ASTN1: variants seen among roughly 807,000 people sequenced by gnomAD.
The protein encoded by ASTN1 is astrotactin-1.
In ASTN1, 41 loss-of-function variants were observed where a neutral mutation model predicts 140.7. The ratio of observed to expected loss-of-function variants is 0.29; its 90% CI spans 0.23 to 0.38. ASTN1 has a LOEUF of 0.38. ASTN1 is among the 10% of genes least tolerant of loss of function. The pLI is 1.00. For missense variants in ASTN1, 1,479 were observed against 1,678.8 expected (o/e 0.88, Z 2.08); for synonymous variants, 640 against 652.2 (o/e 0.98, Z 0.29).
intron 18 of ASTN1, among the ~76,000 whole-genome samples, chr1:176,885,596 C>T (rs978896418): frequency 6.6e-6 from 1 of 152,106 alleles, no homozygotes; most frequent in African/African-American, 2.4e-5. Context: ...CCTGGCCCTC[C>T]TTTTCTCTGC....
At chr1:176,952,013 C>T (rs890767793) in intron 11 of ASTN1, among the ~76,000 whole-genome samples, 2 of 152,096 alleles carry the variant, frequency 1.3e-5, no homozygotes, top group African/African-American at 4.8e-5. Context: ...GATCAGACTT[C>T]GGGCCTAGAT....
chr1:176,969,661 T>G (rs1673050495), intron 8 of ASTN1, among the ~76,000 whole-genome samples: 1 of 152,090 alleles, frequency 6.6e-6, no homozygotes, highest in African/African-American at 2.4e-5. Context: ...AGCCCATGGA[T>G]GGTGTCAGGT....
At chr1:177,129,785 G>A (rs1023258554) in intron 1 of ASTN1, among the ~76,000 whole-genome samples, 3 of 152,002 alleles carry the variant, frequency 2.0e-5, no homozygotes, top group African/African-American at 7.2e-5. Context: ...TGGCTAACAC[G>A]GTGAAACCCC....
Position 177,030,802 on chromosome 1 carries a change from A to C in ASTN1, c.1012+4T>G. ...CCACGAGCCCTAATGTCAGACATGCATACCTCTTGCTTTGTTGTTGATCCG... is the reference window on the plus strand; with the variant it reads ...CCACGAGCCCTAATGTCAGACATGCCTACCTCTTGCTTTGTTGTTGATCCG... On this transcript the variant is annotated splice_donor_region_variant and intron_variant, in intron 4 of 22. Transcript: ENST00000361833. 1 of 1,614,080 alleles carries C rather than the reference A, an allele frequency of 6.2e-7. No homozygotes were observed. The highest frequency in any genetic ancestry group is 8.5e-7 in the Non-Finnish European group (1 of 1,179,948).
At chr1:177,033,180 G>C (rs1277690243) in intron 2 of ASTN1, among the ~76,000 whole-genome samples, 1 of 148,016 alleles carries the variant, frequency 6.8e-6, no homozygotes, top group Non-Finnish European at 1.5e-5. Context: ...TGCAAAAACA[G>C]GGGAGAGCTT....
At chr1:176,996,310 C>CAGAGAG (rs139189448) in intron 8 of ASTN1, among the ~76,000 whole-genome samples, 13,173 of 125,636 alleles carry the variant, frequency 0.1, 761 homozygotes, top group East Asian at 0.16. Context: ...CACACACACA[C>CAGAGAG]AGAGAGAGAG....
At chr1:177,129,086 T>TGAGAGATGAAAGAAACCAGACC (rs1235264142) in intron 1 of ASTN1, among the ~76,000 whole-genome samples, 15 of 152,116 alleles carry the variant, frequency 9.9e-5, no homozygotes, top group Admixed American at 3.3e-4. Context: ...TAAACCAGAC[T>TGAGAGATGAAAGAAACCAGACC]GATAGATGAA....
chr1:177,138,503 A>G lies in ASTN1; in HGVS notation c.283+25891T>C, dbSNP rs571231435. ...AGTGGAAGGAAAAGGGAAAGCACAG[A>G]AAGGAGAGGCTGCTGACCCAGATAT... On this transcript the variant is annotated intron_variant, in intron 1 of 22. Coordinates refer to ENST00000361833, the MANE Select transcript of ASTN1 (RefSeq NM_004319.3). Among the ~76,000 whole-genome samples, 56 of 152,298 alleles carry G rather than the reference A, an allele frequency of 3.7e-4. 2 individuals carry two copies. The South Asian group carries it at 0.012, about 32-fold the overall frequency.
In ASTN1 at chr1:177,032,867, C is replaced by G. The variant is rs1211381892; in HGVS notation, c.472-18G>C. ...ATGCCACCCTAGGAAGAGAGGACCACAGATGGATGTGGGAAGATGGGTAGG... is the reference window on the plus strand; with the variant it reads ...ATGCCACCCTAGGAAGAGAGGACCAGAGATGGATGTGGGAAGATGGGTAGG... On this transcript the variant is annotated intron_variant, in intron 2 of 22. Coordinates refer to ENST00000361833, the MANE Select transcript of ASTN1 (RefSeq NM_004319.3). 1.9e-6 allele frequency: 3 copies of G among 1,572,012 alleles called. No homozygotes were observed. Among genetic ancestry groups the G allele is most frequent in the Non-Finnish European group, 2.6e-6 (3 of 1,158,252 alleles).
At chr1:177,028,429 T>C (rs903709613) in intron 5 of ASTN1, among the ~76,000 whole-genome samples, 5 of 152,218 alleles carry the variant, frequency 3.3e-5, no homozygotes, top group Non-Finnish European at 7.3e-5. Context: ...TTTATTATAC[T>C]GATAGTAGTT....
intron 1 of ASTN1, among the ~76,000 whole-genome samples, chr1:177,146,750 G>T (rs762361554): frequency 2.0e-5 from 3 of 152,138 alleles, no homozygotes; most frequent in Non-Finnish European, 4.4e-5. Flanking sequence ...TGTTTTCCGA[G>T]ATCACTTAGT....
intron 11 of ASTN1, among the ~76,000 whole-genome samples, chr1:176,954,565 G>A (rs1338073439): frequency 6.6e-6 from 1 of 152,180 alleles, no homozygotes; most frequent in East Asian, 1.9e-4. Flanking sequence ...CTACATCTGT[G>A]GTAGTTTGTT....
At chr1:176,918,950 T>C (rs866258879) in intron 16 of ASTN1, among the ~76,000 whole-genome samples, 4 of 152,304 alleles carry the variant, frequency 2.6e-5, no homozygotes, top group Middle Eastern at 3.4e-3. Flanking sequence ...TTCCTCTTCC[T>C]GAGACACCTG....
intron 2 of ASTN1, among the ~76,000 whole-genome samples, chr1:177,037,151 C>T (rs113123625): frequency 3.9e-5 from 6 of 152,184 alleles, no homozygotes; most frequent in African/African-American, 1.4e-4. Context: ...ACTACTTTTG[C>T]AGAGAATTTT....
intron 2 of ASTN1, among the ~76,000 whole-genome samples, chr1:177,036,289 C>T (rs1676717242): frequency 6.6e-6 from 1 of 151,890 alleles, no homozygotes; most frequent in African/African-American, 2.4e-5. Context: ...TCAGGTGATC[C>T]ACCCGCCTCA....
At chr1:176,969,318 C>T (rs189223403) in intron 8 of ASTN1, among the ~76,000 whole-genome samples, 2 of 152,256 alleles carry the variant, frequency 1.3e-5, no homozygotes, top group Non-Finnish European at 2.9e-5. Context: ...AGCTAAGACA[C>T]ATGGTGGAGA....
Position 176,901,663 on chromosome 1 carries a change from G to A in ASTN1, c.2672-6833C>T, listed in dbSNP as rs549847150. On this transcript the variant is annotated intron_variant, in intron 16 of 22. Transcript: ENST00000361833. ...CATGTGATGGAGCATGAAACCCTGC[G>A]TCTTCTGCAGTTTTGCTATGCTGCC... Among the ~76,000 whole-genome samples, 10 of 152,286 alleles carry A rather than the reference G, an allele frequency of 6.6e-5. 1 individual carries two copies. Among genetic ancestry groups the A allele is most frequent in the African/African-American group, 1.7e-4 (7 of 41,564 alleles).
intron 2 of ASTN1, among the ~76,000 whole-genome samples, chr1:177,033,283 T>A (rs1676545499): frequency 6.6e-6 from 1 of 152,132 alleles, no homozygotes; most frequent in African/African-American, 2.4e-5. Context: ...TCTTCCTGTC[T>A]CACGTCTAAA....
intron 1 of ASTN1, among the ~76,000 whole-genome samples, chr1:177,064,736 C>T (rs1431889298): frequency 6.6e-6 from 1 of 152,248 alleles, no homozygotes; most frequent in African/African-American, 2.4e-5. Context: ...GGGTGCCCAT[C>T]ATTTTTCAGT....
Sources: gnomAD v4.1 joint callset for allele counts (sites outside exome capture counted in the v4.1 genomes callset) on GRCh38, gnomAD v4.1.1 for gene constraint, MANE v1.5 for transcripts, NCBI Gene and HGNC (gene_info 2026-07-23, HGNC 2026-07-21) for gene names.